Variants in CSMD1 observed in about 807,000 individuals in gnomAD.
CSMD1 encodes CUB and sushi domain-containing protein 1.
A neutral mutation model predicts 417.5 loss-of-function variants in CSMD1; 213 were observed. The ratio of observed to expected loss-of-function variants is 0.51; its 90% confidence interval spans 0.46 to 0.57. CSMD1 has a LOEUF of 0.57. CSMD1 is among the 20% of genes least tolerant of loss of function. The pLI is 0.00. For missense variants in CSMD1, 6,923 were observed against 4,529.7 expected (o/e 1.53, Z -15.17); for synonymous variants, 2,862 against 1,736.8 (o/e 1.65, Z -16.11).
At chr8:3,267,341 G>A (rs528938869) in intron 26 of CSMD1, among the ~76,000 whole-genome samples, 2 of 152,350 alleles carry the variant, frequency 1.3e-5, no homozygotes, top group African/African-American at 2.4e-5. Flanking sequence ...CATCTATCGC[G>A]TACGAAAGGG....
chr8:4,445,282 G>A (rs971007252), intron 2 of CSMD1, among the ~76,000 whole-genome samples: 4 of 152,142 alleles, frequency 2.6e-5, no homozygotes, highest in South Asian at 2.1e-4. Context: ...CATTACCTAT[G>A]ACATTCCGTT....
intron 5 of CSMD1, among the ~76,000 whole-genome samples, chr8:3,982,633 T>A (rs978239841): frequency 2.7e-4 from 41 of 151,434 alleles, no homozygotes; most frequent in African/African-American, 9.7e-4. Flanking sequence ...AAAAAAGCCA[T>A]TAAATTATGT....
chr8:4,186,434 G>C (rs977332891), intron 3 of CSMD1, among the ~76,000 whole-genome samples: 2 of 152,106 alleles, frequency 1.3e-5, no homozygotes, highest in Non-Finnish European at 2.9e-5. Flanking sequence ...TAAGTTTACA[G>C]AGCCCAGGTT....
chr8:4,722,286 C>G (rs927744579), intron 1 of CSMD1, among the ~76,000 whole-genome samples: 4 of 151,984 alleles, frequency 2.6e-5, no homozygotes, highest in Admixed American at 6.6e-5. Context: ...TAAATACAGA[C>G]TGCAAGAAAG....
Position 4,141,928 on chromosome 8 carries a change from A to G in CSMD1, c.416-109829T>C, listed in dbSNP as rs576814607. 4.6e-5 allele frequency among the ~76,000 whole-genome samples: 7 copies of G among 151,232 alleles called. No homozygotes were observed. In the South Asian group the frequency reaches 1.4e-3, roughly 31 times the overall value. On this transcript the variant is annotated intron_variant, in intron 3 of 69. Transcript: ENST00000635120. ...AACTTCTTAGAGTGTGATATTTGCT[A>G]TGCTATCCAAAATAACATCATGGTG...
chr8:3,303,263 C>T (rs763369693), intron 25 of CSMD1, among the ~76,000 whole-genome samples: 8 of 128,104 alleles, frequency 6.2e-5, no homozygotes, highest in Non-Finnish European at 1.1e-4. Context: ...ATAGTTTTCT[C>T]TTAAGTGTAT....
intron 41 of CSMD1, among the ~76,000 whole-genome samples, chr8:3,126,032 G>A (rs1249961298): frequency 1.3e-5 from 2 of 152,106 alleles, no homozygotes; most frequent in Admixed American, 6.6e-5. Flanking sequence ...AATCTACCTC[G>A]GCAGTACATA....
intron 3 of CSMD1, among the ~76,000 whole-genome samples, chr8:4,098,290 T>A (rs1714920140): frequency 6.6e-6 from 1 of 152,194 alleles, no homozygotes; most frequent in Admixed American, 6.5e-5. Flanking sequence ...AAAAGGCAAG[T>A]AATTTGGAAC....
chr8:3,722,682 G>A (rs1802256844), intron 6 of CSMD1, among the ~76,000 whole-genome samples: 3 of 152,170 alleles, frequency 2.0e-5, no homozygotes, highest in Non-Finnish European at 4.4e-5. Context: ...TCGGTAAATT[G>A]CCCTAGGATC....
intron 40 of CSMD1, among the ~76,000 whole-genome samples, chr8:3,147,638 C>G (rs1003241746): frequency 6.6e-6 from 1 of 152,188 alleles, no homozygotes; most frequent in Non-Finnish European, 1.5e-5. Context: ...GGGGGGCAGT[C>G]ATTTTCCTTG....
At chr8:4,210,844 A>T (rs563872743) in intron 3 of CSMD1, among the ~76,000 whole-genome samples, 1 of 152,160 alleles carries the variant, frequency 6.6e-6, no homozygotes, top group Admixed American at 6.5e-5. Flanking sequence ...GTATCTCGGG[A>T]AAGAAATGTT....
intron 1 of CSMD1, among the ~76,000 whole-genome samples, chr8:4,827,445 G>A (rs1371335676): frequency 6.6e-6 from 1 of 152,114 alleles, no homozygotes; most frequent in Non-Finnish European, 1.5e-5. Context: ...TCTCTTCTTT[G>A]CAGAAACCTC....
At chr8:4,162,067 A>T (rs1455271925) in intron 3 of CSMD1, among the ~76,000 whole-genome samples, 1 of 152,194 alleles carries the variant, frequency 6.6e-6, no homozygotes, top group East Asian at 1.9e-4. Flanking sequence ...AACCTTGATA[A>T]GCAAGTAAGC....
chr8:3,278,520 C>G (rs1802480775), intron 26 of CSMD1: 1 of 152,142 alleles, frequency 6.6e-6, no homozygotes, highest in Admixed American at 6.6e-5. Flanking sequence ...AAACATCAAT[C>G]ATATGAGGAA....
chr8:4,230,057 G>A (rs903127010), intron 3 of CSMD1, among the ~76,000 whole-genome samples: 10 of 152,102 alleles, frequency 6.6e-5, no homozygotes, highest in East Asian at 1.9e-4. Context: ...ACGTGCGTGC[G>A]TGCACTCAGG....
chr8:3,890,044 T>C (rs775708328), intron 5 of CSMD1, among the ~76,000 whole-genome samples: 3 of 152,006 alleles, frequency 2.0e-5, no homozygotes, highest in Non-Finnish European at 2.9e-5. Flanking sequence ...TTTAAAAAAG[T>C]TTCTGAATCC....
intron 39 of CSMD1, among the ~76,000 whole-genome samples, chr8:3,152,406 G>A (rs1276644603): frequency 1.3e-5 from 2 of 152,150 alleles, no homozygotes; most frequent in East Asian, 1.9e-4. Context: ...AAGCCCAAAG[G>A]AAATGGCTTT....
intron 51 of CSMD1, among the ~76,000 whole-genome samples, chr8:3,029,020 G>C (rs1269100378): frequency 6.6e-6 from 1 of 152,086 alleles, no homozygotes; most frequent in Non-Finnish European, 1.5e-5. Flanking sequence ...TGGCGTAAGA[G>C]TTATCTTTTT....
At chr8:4,033,393 G>C (rs755285691) in intron 3 of CSMD1, among the ~76,000 whole-genome samples, 1 of 152,120 alleles carries the variant, frequency 6.6e-6, no homozygotes, top group African/African-American at 2.4e-5. Flanking sequence ...GGTGAGCCGA[G>C]ATCGCACCAC....
Sources: allele counts gnomAD v4.1 joint callset (sites outside exome capture counted in the v4.1 genomes callset), GRCh38; gene constraint gnomAD v4.1.1; transcripts MANE v1.5; gene names NCBI Gene and HGNC (gene_info 2026-07-23, HGNC 2026-07-21).